The following AFF2 variants were observed in gnomAD, a reference collection of about 807,000 sequenced individuals.
AFF2 encodes ALF transcription elongation factor 2.
Under a neutral mutation model 76.9 loss-of-function variants are expected in AFF2, and 14 were observed. That is an observed-to-expected ratio of 0.18 (90% CI 0.12 to 0.28). The LOEUF (loss-of-function observed/expected upper bound fraction) is 0.28. Ranked by LOEUF, AFF2 falls within the 10% of genes least tolerant of loss-of-function variation. The probability of loss-of-function intolerance (pLI) is 1.00; values close to 1 mark genes in which losing one functional copy is unlikely to be tolerated. For synonymous variants in AFF2, 398 were observed against 366.7 expected, an observed-to-expected ratio of 1.09 and a Z score of -0.98; for missense variants, 868 against 1,001.1, an observed-to-expected ratio of 0.87 and a Z score of 1.79.
At chrX:148,607,395 G>A (rs1195880271) in intron 1 of AFF2, among the ~76,000 whole-genome samples, 3 of 110,615 alleles carry the variant, frequency 2.7e-5, no homozygotes, top group Non-Finnish European at 3.8e-5. Context: ...TGCTGTTTTC[G>A]TGATAGTGAA....
chrX:148,913,650 C>T (rs781882856), intron 9 of AFF2, among the ~76,000 whole-genome samples: 21 of 112,002 alleles, frequency 1.9e-4, no homozygotes, highest in African/African-American at 6.8e-4. Flanking sequence ...TGGAATTAAA[C>T]CATTTTAAAG....
chrX:148,514,129 T>A (rs782593748), intron 1 of AFF2, among the ~76,000 whole-genome samples: 2 of 112,113 alleles, frequency 1.8e-5, no homozygotes, highest in South Asian at 7.4e-4. Flanking sequence ...GGGGTTAATG[T>A]GACTTTTATT....
chrX:148,504,454 G>A lies in AFF2; in HGVS notation c.47+3310G>A, dbSNP rs782039335. Reference sequence around the variant, plus strand: ...CTGTGACAGTGGCTGGCTTCTCACCGCAAGGGACAGCATCAATTGTTTGTA... The same window carrying A: ...CTGTGACAGTGGCTGGCTTCTCACCACAAGGGACAGCATCAATTGTTTGTA... On this transcript the variant is annotated intron_variant, in intron 1 of 20. Transcript: ENST00000370460. Among the ~76,000 whole-genome samples the A allele has an allele frequency of 5.3e-5, 6 of 112,834 alleles. 1 individual carries two copies. The East Asian group carries it at 8.4e-4, about 16-fold the overall frequency.
chrX:148,526,366 G>GT (rs34179499), intron 1 of AFF2, among the ~76,000 whole-genome samples: 6,069 of 62,703 alleles, frequency 0.097, 281 homozygotes, highest in Non-Finnish European at 0.12. Flanking sequence ...ATACAATCTT[G>GT]TTTTTTTTTT....
chrX:148,515,956 A>G (rs1234247100), intron 1 of AFF2, among the ~76,000 whole-genome samples: 2 of 111,967 alleles, frequency 1.8e-5, no homozygotes, highest in Non-Finnish European at 3.8e-5. Context: ...ACTGCCTCCT[A>G]TGGTAGCAAA....
chrX:148,741,145 C>T (rs971214067), intron 3 of AFF2, among the ~76,000 whole-genome samples: 1 of 111,621 alleles, frequency 9.0e-6, no homozygotes, highest in Non-Finnish European at 1.9e-5. Flanking sequence ...GGGGTGGTGC[C>T]TTACAGAAAG....
intron 7 of AFF2, among the ~76,000 whole-genome samples, chrX:148,849,930 GCCAAAATGGCAATGCCATTTTGGT>G (rs2070713854): frequency 8.9e-6 from 1 of 111,797 alleles, no homozygotes; most frequent in African/African-American, 3.3e-5. Flanking sequence ...CACAATGCAA[GCCAAAATGGCAATGCCATTTTGGT>G]TTAAATCAGG....
At chrX:148,965,397 A>G in intron 13 of AFF2, among the ~76,000 whole-genome samples, 1 of 112,133 alleles carries the variant, frequency 8.9e-6, no homozygotes, top group Non-Finnish European at 1.9e-5. Context: ...TTTCAAAATG[A>G]AGTAATTTAC....
In AFF2 at chrX:148,873,806, T is replaced by C. The variant is rs202219887; in HGVS notation, c.1263-12083T>C. 2.1e-4 allele frequency among the ~76,000 whole-genome samples: 24 copies of C among 111,771 alleles called. No homozygotes were observed. The East Asian group carries it at 5.9e-3, about 27-fold the overall frequency. The stretch of plus-strand genomic sequence containing the variant: ...AGCCCTCAAGTCATAATTGTACATC[T>C]GACAGGTGTGATGTGAAAGGTTCAA... On this transcript the variant is annotated intron_variant, in intron 7 of 20. Transcript: ENST00000370460.
intron 1 of AFF2, among the ~76,000 whole-genome samples, chrX:148,592,489 A>T (rs188934701): frequency 1.1e-5 from 1 of 91,889 alleles, no homozygotes; most frequent in African/African-American, 5.0e-5. Flanking sequence ...GCCTGCTATA[A>T]AAAAAAAAAA....
intron 9 of AFF2, among the ~76,000 whole-genome samples, chrX:148,928,214 A>C (rs2071674948): frequency 8.9e-6 from 1 of 112,441 alleles, no homozygotes; most frequent in Non-Finnish European, 1.9e-5. Flanking sequence ...GGGCCATAAA[A>C]GTCACAAGCA....
At chrX:148,831,072 A>T (rs1456532610) in intron 4 of AFF2, among the ~76,000 whole-genome samples, 4 of 112,548 alleles carry the variant, frequency 3.6e-5, no homozygotes, top group Non-Finnish European at 7.5e-5. Context: ...AAGAAGAGAA[A>T]TATGGCTCTG....
At chrX:148,573,609 CA>C (rs781863809) in intron 1 of AFF2, among the ~76,000 whole-genome samples, 4 of 110,154 alleles carry the variant, frequency 3.6e-5, no homozygotes, top group Non-Finnish European at 7.6e-5. Context: ...AAGAAAAAAA[CA>C]TGTGGAGGAA....
intron 3 of AFF2, among the ~76,000 whole-genome samples, chrX:148,753,414 G>A (rs1265514413): frequency 9.0e-6 from 1 of 111,383 alleles, no homozygotes; most frequent in Admixed American, 9.6e-5. Flanking sequence ...TATACCCCTG[G>A]AGGAAACTCT....
chrX:148,887,261 C>T (rs782693413), intron 8 of AFF2, among the ~76,000 whole-genome samples: 29 of 112,663 alleles, frequency 2.6e-4, no homozygotes, highest in African/African-American at 9.3e-4. Context: ...CTGTCTCCCT[C>T]CTGCTTGAGT....
chrX:148,705,355 C>T (rs183464024), intron 3 of AFF2, among the ~76,000 whole-genome samples: 45 of 112,125 alleles, frequency 4.0e-4, no homozygotes, highest in African/African-American at 1.2e-3. Flanking sequence ...CAGTACACTT[C>T]TTAGTGGTTA....
At chrX:148,753,437 A>G (rs897394696) in intron 3 of AFF2, among the ~76,000 whole-genome samples, 1 of 111,927 alleles carries the variant, frequency 8.9e-6, no homozygotes, top group African/African-American at 3.2e-5. Flanking sequence ...AGGCAGTATC[A>G]TAAATGGACT....
rs2069428009 is a variant in AFF2 at position 148,760,610 on chromosome X, G to A, written c.1042-49266G>A. Among the ~76,000 whole-genome samples the A allele has an allele frequency of 3.6e-5, 4 of 111,586 alleles. No individual in the cohort carries two copies. In the South Asian group the frequency reaches 1.5e-3, roughly 42 times the overall value. Reference sequence around the variant, plus strand: ...CTGACTCAATGGGTTATGAGACAATGGAAGGGCAAGTTTTTAGTGATATTG... The same window carrying A: ...CTGACTCAATGGGTTATGAGACAATAGAAGGGCAAGTTTTTAGTGATATTG... On this transcript the variant is annotated intron_variant, in intron 3 of 20. Coordinates refer to ENST00000370460, the MANE Select transcript of AFF2 (RefSeq NM_002025.4).
chrX:148,887,787 A>C (rs2071176363), intron 8 of AFF2, among the ~76,000 whole-genome samples: 1 of 111,648 alleles, frequency 9.0e-6, no homozygotes, highest in Non-Finnish European at 1.9e-5. Flanking sequence ...AGGCAAAATG[A>C]CAACTTATTC....
Sources: gnomAD v4.1 joint callset for allele counts (sites outside exome capture counted in the v4.1 genomes callset) on GRCh38, gnomAD v4.1.1 for gene constraint, MANE v1.5 for transcripts, NCBI Gene and HGNC (gene_info 2026-07-23, HGNC 2026-07-21) for gene names.